Variants in MND1 observed in about 807,000 individuals in gnomAD.
The protein encoded by MND1 is meiotic nuclear division protein 1 homolog.
A neutral mutation model predicts 35.1 loss-of-function variants in MND1; 28 were observed. The observed-to-expected ratio is 0.80, with a 90% CI of 0.59 to 1.09. MND1 has a LOEUF of 1.09. Among genes scored for constraint, MND1 ranks in the 50% least tolerant of loss-of-function variants. MND1 has a pLI of 0.00. For missense variants in MND1, 213 were observed against 239.6 expected (o/e 0.89, Z 0.73); for synonymous variants, 69 against 70.5 (o/e 0.98, Z 0.11).
At chr4:153,354,628 A>G (rs181269248) in intron 2 of MND1, among the ~76,000 whole-genome samples, 1 of 152,006 alleles carries the variant, frequency 6.6e-6, no homozygotes, top group Admixed American at 6.6e-5. Context: ...TCAGCCTCCC[A>G]TGTATCTAGG....
At chr4:153,379,346 A>G (rs1387984713) in intron 4 of MND1, among the ~76,000 whole-genome samples, 10 of 151,772 alleles carry the variant, frequency 6.6e-5, no homozygotes, top group African/African-American at 2.4e-4. Context: ...AGAAACCACA[A>G]AAGCTACATA....
intron 6 of MND1, among the ~76,000 whole-genome samples, chr4:153,402,122 C>T (rs1205861387): frequency 6.6e-6 from 1 of 152,144 alleles, no homozygotes; most frequent in Non-Finnish European, 1.5e-5. Context: ...GCACTGCACT[C>T]CATCCTGGGT....
intron 6 of MND1, among the ~76,000 whole-genome samples, chr4:153,406,496 T>C (rs1729513791): frequency 6.6e-6 from 1 of 152,014 alleles, no homozygotes; most frequent in African/African-American, 2.4e-5. Context: ...CACTCCAGCC[T>C]GGGTGACAGA....
At chr4:153,400,420 GC>G (rs1729318129) in intron 6 of MND1, among the ~76,000 whole-genome samples, 1 of 152,126 alleles carries the variant, frequency 6.6e-6, no homozygotes, top group African/African-American at 2.4e-5. Context: ...AGGCACAGTG[GC>G]TCATGCCTGT....
chr4:153,352,609 C>T (rs578100997), intron 2 of MND1, among the ~76,000 whole-genome samples: 4 of 152,074 alleles, frequency 2.6e-5, no homozygotes, highest in East Asian at 1.9e-4. Flanking sequence ...TGCCACGGCT[C>T]ACACCTGTAA....
intron 7 of MND1, among the ~76,000 whole-genome samples, chr4:153,412,444 C>T (rs1380026765): frequency 6.6e-6 from 1 of 151,026 alleles, no homozygotes; most frequent in Middle Eastern, 3.2e-3. Context: ...CCTGTGTCCT[C>T]TCACAGTTTT....
chr4:153,370,029 C>T (rs1464542489), intron 4 of MND1, among the ~76,000 whole-genome samples: 1 of 152,026 alleles, frequency 6.6e-6, no homozygotes, highest in Non-Finnish European at 1.5e-5. Flanking sequence ...GTCCTGTAAT[C>T]CCAGCACTTC....
chr4:153,348,054 G>T (rs1773116225), intron 1 of MND1, among the ~76,000 whole-genome samples: 1 of 152,214 alleles, frequency 6.6e-6, no homozygotes, highest in African/African-American at 2.4e-5. Flanking sequence ...TGAACATAGA[G>T]GGTGAGTCAA....
chr4:153,380,347 G>A (rs1408485725), intron 4 of MND1, among the ~76,000 whole-genome samples: 1 of 152,032 alleles, frequency 6.6e-6, no homozygotes, highest in African/African-American at 2.4e-5. Flanking sequence ...CATGCAAGTA[G>A]TTACTGCAGC....
intron 2 of MND1, among the ~76,000 whole-genome samples, chr4:153,354,400 G>A (rs1250571194): frequency 1.3e-5 from 2 of 152,196 alleles, no homozygotes; most frequent in African/African-American, 2.4e-5. Context: ...GCAAAGCACT[G>A]TCTGTGTTTT....
Position 153,387,901 on chromosome 4 carries a change from T to A in MND1, c.277-6361T>A, listed in dbSNP as rs564375799. ...AGCAGTAGACTGATCTAGTTGCTTT[T>A]GCTATTATCTCTTTCTCATTCTCTG... is the stretch of plus-strand genomic sequence containing the variant. On this transcript the variant is annotated intron_variant, in intron 4 of 7. Transcript: ENST00000240488. Among the ~76,000 whole-genome samples, 3 of 152,240 alleles carry A rather than the reference T, an allele frequency of 2.0e-5. No homozygotes were observed. In the East Asian group the frequency reaches 5.8e-4, roughly 29 times the overall value.
intron 5 of MND1, among the ~76,000 whole-genome samples, chr4:153,396,303 C>T (rs185594072): frequency 6.0e-4 from 92 of 152,238 alleles, no homozygotes; most frequent in African/African-American, 2.0e-3. Flanking sequence ...TCTGCTGGGC[C>T]GTGCTGCTTC....
intron 2 of MND1, among the ~76,000 whole-genome samples, chr4:153,353,760 C>T (rs528453561): frequency 4.7e-4 from 72 of 151,984 alleles, no homozygotes; most frequent in African/African-American, 1.6e-3. Context: ...TTGTCTGTTG[C>T]CCAGGCTGGA....
Position 153,350,277 on chromosome 4 carries a change from C to CTGCAAATATT in MND1, c.69+150_69+151insCAAATATTTG, listed in dbSNP as rs980032705. The CTGCAAATATT allele has an allele frequency of 5.7e-5, 34 of 599,112 alleles. 1 individual carries two copies. The Admixed American group carries it at 1.2e-3, about 20-fold the overall frequency. 37.1% of individuals were successfully genotyped at this position (599,112 alleles called of 1,614,324 possible). ...AAGATTCTGCAAATATTTGTGGTTCCTGTGAGTTATGGAGTGTGAAAAACC... is the reference window on the plus strand; with the variant it reads ...AAGATTCTGCAAATATTTGTGGTTCCTGCAAATATTTGTGAGTTATGGAGTGTGAAAAACC... On this transcript the variant is annotated intron_variant, in intron 2 of 7. Transcript: ENST00000240488.
chr4:153,356,248 TC>T (rs1365393090), intron 3 of MND1, among the ~76,000 whole-genome samples: 1 of 152,192 alleles, frequency 6.6e-6, no homozygotes, highest in African/African-American at 2.4e-5. Flanking sequence ...AGGTGGAATT[TC>T]CCCAGGAAAG....
intron 4 of MND1, among the ~76,000 whole-genome samples, chr4:153,363,916 A>C (rs1426370641): frequency 6.6e-6 from 1 of 152,092 alleles, no homozygotes; most frequent in Non-Finnish European, 1.5e-5. Flanking sequence ...GTATCTGCAC[A>C]CTCACTAGGA....
At position 153,350,070 on chromosome 4, in the gene MND1, A is replaced by T; in HGVS notation, c.10A>T (p.Lys4Ter). 1 of 1,592,106 alleles carries T rather than the reference A, an allele frequency of 6.3e-7. No homozygotes were observed. The highest frequency in any genetic ancestry group is 8.5e-7 in the Non-Finnish European group (1 of 1,170,360). The change falls in exon 2 of 8, where the codon AAA becomes TAA. Residue 4 changes from lysine (K) to a stop codon, truncating the protein, a stop_gained. Transcript: ENST00000240488. LOFTEE classifies it high-confidence loss of function. ...GTTAATTTTTTTGCTTTAGTCAAAGAAAAAAGGACTGAGTGCAGAAGAAAA... is the reference window on the plus strand; with the variant it reads ...GTTAATTTTTTTGCTTTAGTCAAAGTAAAAAGGACTGAGTGCAGAAGAAAA... MSK[K>*]KGLSAEEKRT... is the part of the protein sequence containing the mutation.
chr4:153,410,557 G>A (rs145090851), intron 7 of MND1, among the ~76,000 whole-genome samples: 1 of 152,168 alleles, frequency 6.6e-6, no homozygotes, highest in Non-Finnish European at 1.5e-5. Flanking sequence ...GAATTAGGTA[G>A]ATTGGTAAAA....
intron 2 of MND1, 84 bp downstream of exon 2, chr4:153,350,213 G>A (rs1037556876): frequency 2.1e-6 from 2 of 940,510 alleles, no homozygotes; most frequent in African/African-American, 1.7e-5. Context: ...TCCCCTCTTT[G>A]TTAAACATCA....
Sources: gnomAD v4.1 joint callset for allele counts (sites outside exome capture counted in the v4.1 genomes callset) on GRCh38, gnomAD v4.1.1 for gene constraint, MANE v1.5 for transcripts, NCBI Gene and HGNC (gene_info 2026-07-23, HGNC 2026-07-21) for gene names.